PTPRA: variants seen among roughly 807,000 people sequenced by gnomAD.
PTPRA encodes the protein protein tyrosine phosphatase receptor type A.
A neutral mutation model predicts 104.8 loss-of-function variants in PTPRA; 25 were observed. The ratio of observed to expected loss-of-function variants is 0.24; its 90% CI spans 0.17 to 0.33. PTPRA has a LOEUF of 0.33. Ranked by LOEUF, PTPRA falls within the 10% of genes least tolerant of loss-of-function variation. The pLI, the probability that PTPRA is intolerant of heterozygous loss-of-function variation, is 1.00. For synonymous variants in PTPRA, 323 were observed against 368.9 expected (o/e 0.88, Z 1.43); for missense variants, 765 against 1,015.3 (o/e 0.75, Z 3.35).
chr20:2,954,750 T>G lies in PTPRA; in HGVS notation c.-7+6726T>G, dbSNP rs562988316. Among the ~76,000 whole-genome samples the G allele has an allele frequency of 3.9e-5, 6 of 152,360 alleles. No individual in the cohort carries two copies. The South Asian group carries it at 1.2e-3, about 32-fold the overall frequency. On this transcript the variant is annotated intron_variant, in intron 3 of 23. Transcript: ENST00000399903. ...TGTTTTGTTGCTTGTGCTTTTGGTG[T>G]TATATCCAAGAAATTTTTGCCAAAT...
intron 13 of PTPRA, 129 bp downstream of exon 13, chr20:3,018,042 C>T: frequency 1.3e-6 from 1 of 775,400 alleles, no homozygotes; most frequent in South Asian, 1.7e-5. Context: ...AGGCTGAAGT[C>T]TATCAGACTT....
chr20:2,903,652 C>T (rs919210305), intron 1 of PTPRA, among the ~76,000 whole-genome samples: 2 of 152,024 alleles, frequency 1.3e-5, no homozygotes, highest in Non-Finnish European at 2.9e-5. Flanking sequence ...AATGCCACTA[C>T]ACTCCAGCTT....
chr20:2,967,933 T>G (rs1485525528), intron 5 of PTPRA, among the ~76,000 whole-genome samples: 3 of 152,194 alleles, frequency 2.0e-5, no homozygotes, highest in Non-Finnish European at 2.9e-5. Context: ...CAAAGTGAGA[T>G]CTGTTAGATA....
chr20:2,879,620 A>G (rs1206761805), intron 1 of PTPRA, among the ~76,000 whole-genome samples: 1 of 152,316 alleles, frequency 6.6e-6, no homozygotes, highest in East Asian at 1.9e-4. Flanking sequence ...GAGAATGTGT[A>G]TACAGTCATG....
intron 1 of PTPRA, among the ~76,000 whole-genome samples, chr20:2,906,336 C>T (rs769484836): frequency 6.6e-6 from 1 of 152,090 alleles, no homozygotes; most frequent in Non-Finnish European, 1.5e-5. Context: ...AAGTTTTTAC[C>T]AATCCCAGAA....
intron 9 of PTPRA, among the ~76,000 whole-genome samples, chr20:3,002,322 ATTTTTT>A (rs5839983): frequency 8.6e-6 from 1 of 116,932 alleles, no homozygotes; most frequent in African/African-American, 3.1e-5. Flanking sequence ...AAATGTAGTA[ATTTTTT>A]TTTTTTTTTT....
chr20:2,994,484 T>C (rs1318737746), intron 9 of PTPRA, among the ~76,000 whole-genome samples: 2 of 152,212 alleles, frequency 1.3e-5, no homozygotes, highest in African/African-American at 4.8e-5. Context: ...CATTTTGAAA[T>C]AGTCCCTTCC....
chr20:3,006,343 G>C (rs2063869191), intron 10 of PTPRA, among the ~76,000 whole-genome samples: 1 of 152,008 alleles, frequency 6.6e-6, no homozygotes, highest in Admixed American at 6.6e-5. Context: ...CATCTACCAT[G>C]CCTGGCTGAT....
intron 1 of PTPRA, among the ~76,000 whole-genome samples, chr20:2,910,885 G>A (rs920518926): frequency 1.1e-4 from 16 of 150,282 alleles, no homozygotes; most frequent in African/African-American, 3.9e-4. Flanking sequence ...GATCACAGGT[G>A]TGAGCCACCG....
intron 2 of PTPRA, among the ~76,000 whole-genome samples, chr20:2,947,048 C>T (rs1321586098): frequency 6.6e-6 from 1 of 152,038 alleles, no homozygotes; most frequent in Non-Finnish European, 1.5e-5. Context: ...CTCTCTCCAG[C>T]CTGGCACAAG....
At position 2,898,949 on chromosome 20, in the gene PTPRA, G is replaced by C. The variant is rs538143392; in HGVS notation, c.-128-24258G>C. Reference sequence around the variant, plus strand: ...CAGGGAACCCTGGTTCCTTTTATTAGTGAATGTACTTAGAAAATAAAATAT... The same window carrying C: ...CAGGGAACCCTGGTTCCTTTTATTACTGAATGTACTTAGAAAATAAAATAT... On this transcript the variant is annotated intron_variant, in intron 1 of 23. Transcript: ENST00000399903. Among the ~76,000 whole-genome samples, 3 of 152,306 alleles carry C rather than the reference G, an allele frequency of 2.0e-5. No homozygotes were observed. The East Asian group carries it at 5.8e-4, about 29-fold the overall frequency.
rs750141003 is a variant in PTPRA at position 3,024,498 on chromosome 20, C to A, written c.1491C>A (p.Ala497=). The change falls in exon 17 of 24, where the codon GCC becomes GCA. Residue 497 remains alanine, a synonymous_variant. Transcript: ENST00000399903. Reference sequence around the variant, plus strand: ...TGCAGTATGTCTTCATATACCAAGCCCTTCTGGAGCATTATCTCTATGGAG... The same window carrying A: ...TGCAGTATGTCTTCATATACCAAGCACTTCTGGAGCATTATCTCTATGGAG... ...TDMQYVFIYQ[A]LLEHYLYGDT... 6.2e-7 allele frequency: 1 copy of A among 1,613,774 alleles called. No individual in the cohort carries two copies. Among genetic ancestry groups the A allele is most frequent in the Non-Finnish European group, 8.5e-7 (1 of 1,179,730 alleles).
Position 2,924,392 on chromosome 20 carries a change from C to T in PTPRA, c.-50+1107C>T, listed in dbSNP as rs973622140. Among the ~76,000 whole-genome samples, 16 of 152,156 alleles carry T rather than the reference C, an allele frequency of 1.1e-4. 1 individual carries two copies. Among genetic ancestry groups the T allele is most frequent in the South Asian group, 4.1e-4 (2 of 4,828 alleles). The stretch of plus-strand genomic sequence containing the variant: ...ACTCCATCCAATCTGGGCAACAGGG[C>T]GAGACTATGTATCAACAACAACAAA... On this transcript the variant is annotated intron_variant, in intron 2 of 23. Transcript: ENST00000399903.
At chr20:2,969,607 CACTTT>C (rs1224257543) in intron 5 of PTPRA, among the ~76,000 whole-genome samples, 1 of 130,334 alleles carries the variant, frequency 7.7e-6, no homozygotes, top group Non-Finnish European at 1.6e-5. Flanking sequence ...GTAATCCCAG[CACTTT>C]GGGAGGCTGA....
At position 3,032,050 on chromosome 20, in the gene PTPRA, A is replaced by T. The variant is rs1363970185; in HGVS notation, c.1921-3535A>T. On this transcript the variant is annotated intron_variant, in intron 20 of 23. Transcript: ENST00000399903. ...GCTATTGCTCTTTCTTTTCTTCCTGAAACCTCCAGCATCTGCTCTTGCCTG... is the reference window on the plus strand; with the variant it reads ...GCTATTGCTCTTTCTTTTCTTCCTGTAACCTCCAGCATCTGCTCTTGCCTG... 2.0e-5 allele frequency among the ~76,000 whole-genome samples: 3 copies of T among 152,278 alleles called. No homozygotes were observed. In the South Asian group the frequency reaches 6.2e-4, roughly 32 times the overall value.
At chr20:2,918,240 A>G (rs1416992929) in intron 1 of PTPRA, among the ~76,000 whole-genome samples, 1 of 151,900 alleles carries the variant, frequency 6.6e-6, no homozygotes, top group Non-Finnish European at 1.5e-5. Flanking sequence ...CTAAACTCTG[A>G]CTGTTGGGCT....
In PTPRA at chr20:3,038,640, TATCAGGTAATAAA is replaced by T. The variant is rs2065911269; in HGVS notation, c.*509_*521del. The stretch of plus-strand genomic sequence containing the variant: ...GTATCTCTGGCACCACACTAGGGAC[TATCAGGTAATAAA>T]AGCTTTGACTCCCTGAGGAAATGTC... On this transcript the variant is annotated 3_prime_UTR_variant, in exon 24 of 24. Transcript: ENST00000399903. 1 of 155,276 alleles carries T rather than the reference TATCAGGTAATAAA, an allele frequency of 6.4e-6. No homozygotes were observed. The highest frequency in any genetic ancestry group is 6.5e-5 in the Admixed American group (1 of 15,500). The allele number at this position is 155,276 out of a possible 1,614,324, so 9.6% of individuals were successfully genotyped here.
chr20:2,866,682 G>T, the PTPRA span: 1 of 1,490,256 alleles, frequency 6.7e-7, no homozygotes, highest in Non-Finnish European at 9.1e-7. Context: ...GCTGAGGAGC[G>T]GGGGCATGGT....
chr20:2,974,969 T>C (rs1239169901), intron 5 of PTPRA, among the ~76,000 whole-genome samples: 1 of 152,218 alleles, frequency 6.6e-6, no homozygotes, highest in African/African-American at 2.4e-5. Context: ...TCTAATAACA[T>C]GCGTTCTGTT....
Sources: allele counts gnomAD v4.1 joint callset (sites outside exome capture counted in the v4.1 genomes callset), GRCh38; gene constraint gnomAD v4.1.1; transcripts MANE v1.5; gene names NCBI Gene and HGNC (gene_info 2026-07-23, HGNC 2026-07-21).